ALPK1: variants seen among roughly 807,000 people sequenced by gnomAD.
The protein encoded by ALPK1 is alpha-protein kinase 1.
Under a neutral mutation model 120.6 loss-of-function variants are expected in ALPK1, and 110 were observed. That is an observed-to-expected ratio of 0.91 (90% CI 0.78 to 1.07). The LOEUF is 1.07. Among genes scored for constraint, ALPK1 ranks in the 50% least tolerant of loss-of-function variants. The pLI is 0.00. For synonymous variants in ALPK1, 582 were observed against 560.3 expected (o/e 1.04, Z -0.55); for missense variants, 1,498 against 1,483.9 (o/e 1.01, Z -0.16).
intron 1 of ALPK1, among the ~76,000 whole-genome samples, chr4:112,307,132 C>A (rs1442121996): frequency 6.6e-6 from 1 of 152,094 alleles, no homozygotes; most frequent in Non-Finnish European, 1.5e-5. Flanking sequence ...GTTATAATTT[C>A]TGTTCTTTTA....
intron 2 of ALPK1, among the ~76,000 whole-genome samples, chr4:112,349,558 C>A (rs975176539): frequency 1.4e-5 from 2 of 144,972 alleles, no homozygotes; most frequent in African/African-American, 5.2e-5. Flanking sequence ...CCTGCCCCCC[C>A]CCGCTTTATT....
At chr4:112,382,800 C>T in intron 4 of ALPK1, 1 of 428,540 alleles carries the variant, frequency 2.3e-6, no homozygotes, top group Non-Finnish European at 4.2e-6. Flanking sequence ...TGAACCCTGT[C>T]ATCTTGAAAT....
intron 9 of ALPK1, among the ~76,000 whole-genome samples, chr4:112,428,530 GT>G (rs1263107517): frequency 6.6e-6 from 1 of 152,170 alleles, no homozygotes; most frequent in Non-Finnish European, 1.5e-5. Flanking sequence ...CATGTCCCTT[GT>G]TCACTGAAGT....
At chr4:112,371,654 C>G (rs562674327) in intron 2 of ALPK1, among the ~76,000 whole-genome samples, 36 of 152,328 alleles carry the variant, frequency 2.4e-4, no homozygotes, top group Admixed American at 5.9e-4. Context: ...TGCCCTATCT[C>G]TCTTTCACAT....
At chr4:112,398,819 G>A (rs192824990) in intron 4 of ALPK1, among the ~76,000 whole-genome samples, 36 of 152,212 alleles carry the variant, frequency 2.4e-4, no homozygotes, top group African/African-American at 7.7e-4. Flanking sequence ...GATCTTACAC[G>A]TATTTTAGAG....
At chr4:112,339,349 A>G (rs956253388) in intron 2 of ALPK1, among the ~76,000 whole-genome samples, 17 of 152,260 alleles carry the variant, frequency 1.1e-4, no homozygotes, top group African/African-American at 3.9e-4. Flanking sequence ...ATATCATAGG[A>G]CAATTTACTA....
intron 10 of ALPK1, 139 bp downstream of exon 10, chr4:112,429,392 A>C (rs371965989): frequency 4.0e-5 from 26 of 655,300 alleles, no homozygotes; most frequent in East Asian, 4.0e-4. Flanking sequence ...AAGACTCCAC[A>C]CCACATATGG....
At chr4:112,350,170 CATT>C (rs1354953455) in intron 2 of ALPK1, among the ~76,000 whole-genome samples, 3 of 152,196 alleles carry the variant, frequency 2.0e-5, no homozygotes, top group Non-Finnish European at 2.9e-5. Context: ...CCCCACATCC[CATT>C]ACTCCAAGAC....
At chr4:112,352,320 ATCT>A (rs1384167784) in intron 2 of ALPK1, among the ~76,000 whole-genome samples, 2 of 152,180 alleles carry the variant, frequency 1.3e-5, no homozygotes, top group African/African-American at 2.4e-5. Flanking sequence ...CTTCCTTTAC[ATCT>A]TCTTCCTGCT....
intron 5 of ALPK1, chr4:112,412,423 C>T (rs1261378287): frequency 2.2e-6 from 1 of 461,780 alleles, no homozygotes; most frequent in Non-Finnish European, 4.3e-6. Context: ...TGTAGGACCA[C>T]TTGACTAAGC....
chr4:112,338,539 G>C (rs1209948991), intron 2 of ALPK1, among the ~76,000 whole-genome samples: 1 of 152,064 alleles, frequency 6.6e-6, no homozygotes, highest in Non-Finnish European at 1.5e-5. Flanking sequence ...TATATGTAAC[G>C]GATAAGAGGA....
At chr4:112,331,236 A>G (rs1729355374) in intron 2 of ALPK1, among the ~76,000 whole-genome samples, 1 of 152,194 alleles carries the variant, frequency 6.6e-6, no homozygotes, top group South Asian at 2.1e-4. Context: ...AGGAAAACGG[A>G]CATGTGCAGT....
intron 2 of ALPK1, among the ~76,000 whole-genome samples, chr4:112,339,653 T>C (rs1384019408): frequency 6.6e-6 from 1 of 152,264 alleles, no homozygotes; most frequent in Admixed American, 6.5e-5. Context: ...AATTTTTAGT[T>C]TGCCATACTT....
intron 1 of ALPK1, among the ~76,000 whole-genome samples, chr4:112,311,836 G>A (rs971042281): frequency 3.3e-5 from 5 of 152,206 alleles, no homozygotes; most frequent in Admixed American, 1.3e-4. Context: ...AAGTAGGTCG[G>A]GGCAGGCAGA....
intron 1 of ALPK1, among the ~76,000 whole-genome samples, chr4:112,310,308 A>G (rs1728337509): frequency 1.3e-5 from 2 of 152,128 alleles, no homozygotes; most frequent in South Asian, 4.1e-4. Flanking sequence ...TCAACTAGAG[A>G]TGGTAGAAGG....
chr4:112,370,487 T>C (rs1731357153), intron 2 of ALPK1, among the ~76,000 whole-genome samples: 1 of 152,162 alleles, frequency 6.6e-6, no homozygotes, highest in Non-Finnish European at 1.5e-5. Flanking sequence ...ATTCCCATTG[T>C]TTAAATGTAA....
chr4:112,420,083 A>T (rs1222422596), intron 5 of ALPK1, among the ~76,000 whole-genome samples: 2 of 152,248 alleles, frequency 1.3e-5, no homozygotes, highest in East Asian at 3.8e-4. Flanking sequence ...TAGCTACTGA[A>T]TATTTGCCCT....
At chr4:112,328,308 G>GC (rs1729206024) in intron 2 of ALPK1, among the ~76,000 whole-genome samples, 1 of 152,256 alleles carries the variant, frequency 6.6e-6, no homozygotes, top group African/African-American at 2.4e-5. Context: ...GTTCGCACTG[G>GC]CTGCTAGTCA....
In ALPK1 at chr4:112,411,848, C is replaced by G; in HGVS notation, c.298C>G (p.Leu100Val). ...QLLASLRASI[L>V]ARDCAAAAAI... Reference sequence around the variant, plus strand: ...CCAGGCGTCCCTGAGGGCCTCCATCCTCGCTCGGGACTGTGCGGCTGCGGC... The same window carrying G: ...CCAGGCGTCCCTGAGGGCCTCCATCGTCGCTCGGGACTGTGCGGCTGCGGC... Residue 100 changes from leucine to valine, a missense_variant, in exon 5 of 16, where the codon CTC becomes GTC. Physicochemically the swap from Leu to Val is conservative, Grantham distance 32. Coordinates refer to ENST00000650871, the MANE Select transcript of ALPK1 (RefSeq NM_025144.4). The G allele has an allele frequency of 6.2e-7, 1 of 1,613,092 alleles. No individual in the cohort carries two copies. The highest frequency in any genetic ancestry group is 8.5e-7 in the Non-Finnish European group (1 of 1,179,576).
Sources: gnomAD v4.1 joint callset for allele counts (sites outside exome capture counted in the v4.1 genomes callset) on GRCh38, gnomAD v4.1.1 for gene constraint, MANE v1.5 for transcripts, NCBI Gene and HGNC (gene_info 2026-07-23, HGNC 2026-07-21) for gene names.